Variants in PDCL2 observed in about 807,000 individuals in gnomAD.
The protein encoded by PDCL2 is phosducin-like protein 2.
A neutral mutation model predicts 30.3 loss-of-function variants in PDCL2; 23 were observed. The ratio of observed to expected loss-of-function variants is 0.76; its 90% confidence interval spans 0.55 to 1.08. The LOEUF is 1.08. Ranked by LOEUF, PDCL2 falls within the 50% of genes least tolerant of loss-of-function variation. The pLI is 0.00. For synonymous variants in PDCL2, 68 were observed against 86.2 expected (o/e 0.79, Z 1.17); for missense variants, 243 against 282.3 (o/e 0.86, Z 1.00).
chr4:55,584,771 T>C (rs1172258079), intron 1 of PDCL2, among the ~76,000 whole-genome samples: 3 of 152,206 alleles, frequency 2.0e-5, no homozygotes, highest in Non-Finnish European at 2.9e-5. Context: ...CCTCTGGTAC[T>C]ATATTGAATA....
At chr4:55,572,468 G>A (rs1158065251) in intron 3 of PDCL2, among the ~76,000 whole-genome samples, 1 of 152,176 alleles carries the variant, frequency 6.6e-6, no homozygotes, top group Admixed American at 6.5e-5. Flanking sequence ...CAGAAAGCCA[G>A]TGTAACAACT....
rs577548852 is a variant in PDCL2 at position 55,592,207 on chromosome 4, C to G, written c.-98G>C. The G allele has an allele frequency of 6.5e-7, 1 of 1,537,936 alleles. No homozygotes were observed. Among genetic ancestry groups the G allele is most frequent in the Non-Finnish European group, 8.8e-7 (1 of 1,135,534 alleles). On this transcript the variant is annotated 5_prime_UTR_variant, in exon 1 of 6. Transcript: ENST00000295645. ...GCCTTCTCCAGGCTGGAAGAGCGCCCGCTTCAGGCCCGGCGGTTTCGAGTG... is the reference window on the plus strand; with the variant it reads ...GCCTTCTCCAGGCTGGAAGAGCGCCGGCTTCAGGCCCGGCGGTTTCGAGTG...
In PDCL2 at chr4:55,556,520, A is replaced by G. The variant is rs1361599938; in HGVS notation, c.*37T>C. 11 of 1,373,478 alleles carry G rather than the reference A, an allele frequency of 8.0e-6. No homozygotes were observed. Among genetic ancestry groups the G allele is most frequent in the Non-Finnish European group, 1.1e-5 (11 of 1,029,642 alleles). 85.1% of individuals were successfully genotyped at this position (1,373,478 alleles called of 1,614,324 possible). A position where few individuals can be genotyped will look rare whatever the true frequency, so the allele number is the denominator to read the frequency against. ...AGCAGTCATAAGTAAAACATTCAGT[A>G]CACATATACTAAAAGCTATTTATTG... On this transcript the variant is annotated 3_prime_UTR_variant, in exon 6 of 6. Coordinates refer to ENST00000295645, the MANE Select transcript of PDCL2 (RefSeq NM_152401.3).
rs141963013 is a variant in PDCL2, at chr4:55,560,635, G to A, written c.571+1769C>T. ...TATCTCAAAAAAATAGCTGAAGCAAGCATAAACAAATGTTCACATTTGTTA... is the reference window on the plus strand; with the variant it reads ...TATCTCAAAAAAATAGCTGAAGCAAACATAAACAAATGTTCACATTTGTTA... On this transcript the variant is annotated intron_variant, in intron 5 of 5. Transcript: ENST00000295645. Among the ~76,000 whole-genome samples the A allele has an allele frequency of 1.5e-3, 230 of 152,232 alleles. 1 individual carries two copies. The highest frequency in any genetic ancestry group is 4.9e-3 in the African/African-American group (202 of 41,524).
chr4:55,582,926 G>T (rs772952633), intron 1 of PDCL2, among the ~76,000 whole-genome samples: 1 of 152,034 alleles, frequency 6.6e-6, no homozygotes, highest in Non-Finnish European at 1.5e-5. Context: ...TCCCTACAGA[G>T]GACATGAACT....
At chr4:55,570,191 A>G (rs188585403) in intron 3 of PDCL2, among the ~76,000 whole-genome samples, 26 of 152,334 alleles carry the variant, frequency 1.7e-4, no homozygotes, top group African/African-American at 6.3e-4. Flanking sequence ...TTCATTAAGG[A>G]GAATAATGAT....
At chr4:55,560,189 A>AG (rs11338563) in intron 5 of PDCL2, among the ~76,000 whole-genome samples, 38,907 of 136,152 alleles carry the variant, frequency 0.29, 5,865 homozygotes, top group East Asian at 0.52. Context: ...TCAAAAAAAA[A>AG]GGGGGGGGGG....
chr4:55,584,607 A>G (rs1732813744), intron 1 of PDCL2, among the ~76,000 whole-genome samples: 1 of 152,048 alleles, frequency 6.6e-6, no homozygotes, highest in Non-Finnish European at 1.5e-5. Flanking sequence ...ACTTTACTGT[A>G]TCCATTTATT....
Position 55,556,551 on chromosome 4 carries a change from T to G in PDCL2, c.*6A>C. ...ATACTAAAAGCTATTTATTGAATATTTCTCTCTATTTGGTATCATTATCAC... is the reference window on the plus strand; with the variant it reads ...ATACTAAAAGCTATTTATTGAATATGTCTCTCTATTTGGTATCATTATCAC... On this transcript the variant is annotated 3_prime_UTR_variant, in exon 6 of 6. Transcript: ENST00000295645. The G allele has an allele frequency of 6.6e-7, 1 of 1,522,364 alleles. No individual in the cohort carries two copies. Among genetic ancestry groups the G allele is most frequent in the Non-Finnish European group, 8.9e-7 (1 of 1,127,784 alleles). The allele number at this position is 1,522,364 out of a possible 1,614,324, so 94.3% of individuals were successfully genotyped here.
At chr4:55,580,692 G>C (rs1485023268) in intron 3 of PDCL2, 129 bp downstream of exon 3, 1 of 585,010 alleles carries the variant, frequency 1.7e-6, no homozygotes, top group Non-Finnish European at 2.8e-6. Flanking sequence ...TATAAAGGGA[G>C]TTTCAAAATG....
chr4:55,585,309 C>T (rs145710637), intron 1 of PDCL2, among the ~76,000 whole-genome samples: 250 of 152,232 alleles, frequency 1.6e-3, no homozygotes, highest in African/African-American at 5.4e-3. Context: ...GGGTAGATCA[C>T]CTGAAGTCAG....
intron 5 of PDCL2, among the ~76,000 whole-genome samples, chr4:55,562,112 C>G (rs1009836966): frequency 2.0e-5 from 3 of 152,062 alleles, no homozygotes; most frequent in Non-Finnish European, 4.4e-5. Context: ...GAAGACCAGC[C>G]TAACAGGAAC....
chr4:55,588,355 T>G (rs772353250), intron 1 of PDCL2, among the ~76,000 whole-genome samples: 1 of 152,200 alleles, frequency 6.6e-6, no homozygotes, highest in African/African-American at 2.4e-5. Context: ...AAGTGCAGAC[T>G]CACTGAGCCA....
At chr4:55,584,294 T>G (rs1732804837) in intron 1 of PDCL2, among the ~76,000 whole-genome samples, 2 of 152,134 alleles carry the variant, frequency 1.3e-5, no homozygotes, top group South Asian at 2.1e-4. Flanking sequence ...TCTCGTTCTG[T>G]CGCCCAGGCT....
intron 1 of PDCL2, among the ~76,000 whole-genome samples, chr4:55,590,612 A>G (rs1732975702): frequency 6.6e-6 from 1 of 151,696 alleles, no homozygotes; most frequent in African/African-American, 2.4e-5. Context: ...TCAGCCTCCC[A>G]AGTAGCTGGG....
chr4:55,569,571 A>G (rs1033313583), intron 4 of PDCL2, 147 bp downstream of exon 4: 7 of 411,416 alleles, frequency 1.7e-5, no homozygotes, highest in Non-Finnish European at 2.5e-5. Flanking sequence ...GAAGCCAATG[A>G]CTATCAAAAC....
chr4:55,588,427 A>G (rs1428302700), intron 1 of PDCL2, among the ~76,000 whole-genome samples: 1 of 151,820 alleles, frequency 6.6e-6, no homozygotes, highest in South Asian at 2.1e-4. Flanking sequence ...GGACTCTCTT[A>G]TCTACTTCTG....
intron 3 of PDCL2, among the ~76,000 whole-genome samples, chr4:55,578,532 T>C (rs1261528486): frequency 1.3e-5 from 2 of 152,062 alleles, no homozygotes; most frequent in East Asian, 3.9e-4. Flanking sequence ...TTTGATTAGG[T>C]AGAGATGTAT....
intron 1 of PDCL2, among the ~76,000 whole-genome samples, chr4:55,590,374 A>T (rs1251765254): frequency 6.8e-6 from 1 of 146,110 alleles, no homozygotes; most frequent in Non-Finnish European, 1.5e-5. Flanking sequence ...GCTACTAGGG[A>T]TGCTGAGGTG....
Sources: allele counts gnomAD v4.1 joint callset (sites outside exome capture counted in the v4.1 genomes callset), GRCh38; gene constraint gnomAD v4.1.1; transcripts MANE v1.5; gene names NCBI Gene and HGNC (gene_info 2026-07-23, HGNC 2026-07-21).